EPHB2: variants seen among roughly 807,000 people sequenced by gnomAD.
The protein encoded by EPHB2 is ephrin type-B receptor 2.
EPHB2 carries 18 observed loss-of-function variants against 96.4 expected under a neutral mutation model. The observed-to-expected ratio is 0.19, with a 90% CI of 0.13 to 0.28. The LOEUF (loss-of-function observed/expected upper bound fraction) is 0.28, where lower values mean the gene tolerates loss of function less well. Among genes scored for constraint, EPHB2 ranks in the 10% least tolerant of loss-of-function variants. EPHB2 has a pLI of 1.00. For missense variants in EPHB2, 989 were observed against 1,355.4 expected (o/e 0.73, Z 4.25); for synonymous variants, 506 against 534.1 (o/e 0.95, Z 0.72).
In EPHB2 at chr1:22,790,755, C is replaced by T. The variant is rs897953557; in HGVS notation, c.811+5679C>T. Among the ~76,000 whole-genome samples, 2 of 152,220 alleles carry T rather than the reference C, an allele frequency of 1.3e-5. No individual in the cohort carries two copies. The highest frequency in any genetic ancestry group is 4.8e-5 in the African/African-American group (2 of 41,460). The stretch of plus-strand genomic sequence containing the variant: ...GTGAGCATGATTGCTGCGATGCTAT[C>T]GGACGTAATGGGATTTTTAATATTT... On this transcript the variant is annotated intron_variant, in intron 3 of 15. Transcript: ENST00000374630. The surrounding 1 kb of genome is among the most constrained non-coding windows in gnomAD (Gnocchi z 4.0).
At chr1:22,711,644 C>A (rs982262385) in intron 1 of EPHB2, among the ~76,000 whole-genome samples, 5 of 151,978 alleles carry the variant, frequency 3.3e-5, no homozygotes, top group Non-Finnish European at 5.9e-5. Flanking sequence ...GTCCCCTCCC[C>A]GAGAGGACTG....
intron 7 of EPHB2, among the ~76,000 whole-genome samples, chr1:22,894,597 C>CA (rs569570637): frequency 0.019 from 2,392 of 126,000 alleles, 68 homozygotes; most frequent in African/African-American, 0.057. Context: ...ACTCCCACTC[C>CA]AAAAAAAAAA....
chr1:22,873,820 A>G (rs1174128303), intron 5 of EPHB2, among the ~76,000 whole-genome samples: 1 of 152,210 alleles, frequency 6.6e-6, no homozygotes, highest in Non-Finnish European at 1.5e-5. Flanking sequence ...GAAACTTCCT[A>G]GAAGTCCCAC....
chr1:22,897,526 A>G (rs309464), intron 9 of EPHB2, among the ~76,000 whole-genome samples: 85,588 of 151,826 alleles, frequency 0.56, 25,119 homozygotes, highest in African/African-American at 0.72. Context: ...AGTAGCTCAC[A>G]CCTGTAATCC....
chr1:22,894,251 C>T (rs538261921), intron 7 of EPHB2, among the ~76,000 whole-genome samples: 39 of 152,304 alleles, frequency 2.6e-4, no homozygotes, highest in Non-Finnish European at 4.3e-4. Context: ...ACTAAGGTCC[C>T]AGAGCGCGTC....
rs1189121623 is a variant in EPHB2, at chr1:22,905,979, T to C, written c.1766-8T>C. On this transcript the variant is annotated splice_region_variant and splice_polypyrimidine_tract_variant and intron_variant, in intron 9 of 15. Transcript: ENST00000374630. ...GTCCATATGACAGAGCCTGGTCTTGTCCCCCAGTGACCCCAGGCATGAAGA... is the reference window on the plus strand; with the variant it reads ...GTCCATATGACAGAGCCTGGTCTTGCCCCCCAGTGACCCCAGGCATGAAGA... 2 of 1,614,130 alleles carry C rather than the reference T, an allele frequency of 1.2e-6. No individual in the cohort carries two copies. The highest frequency in any genetic ancestry group is 1.7e-6 in the Non-Finnish European group (2 of 1,180,032).
rs779937841 is a variant in EPHB2, at chr1:22,910,435, G to A, written c.2556G>A (p.Pro852=). Residue 852 remains proline (P), a synonymous_variant, in exon 14 of 16, where the codon CCG becomes CCA. Transcript: ENST00000374630. ...DYRLPPPMDC[P]SALHQLMLDC... is the part of the protein sequence containing the mutation. ...GGCTGCCACCGCCCATGGACTGCCC[G>A]AGCGCCCTGCACCAACTCATGCTGG... 2.0e-5 allele frequency: 32 copies of A among 1,614,052 alleles called. No homozygotes were observed. The highest frequency in any genetic ancestry group is 2.2e-5 in the East Asian group (1 of 44,888).
chr1:22,893,046 G>A lies in EPHB2; in HGVS notation c.1591G>A (p.Ala531Thr), dbSNP rs2148566971. 6 of 1,614,206 alleles carry A rather than the reference G, an allele frequency of 3.7e-6. No homozygotes were observed. Among genetic ancestry groups the A allele is most frequent in the Non-Finnish European group, 5.1e-6 (6 of 1,180,050 alleles). The change falls in exon 7 of 16, where the codon GCC becomes ACC. Residue 531 changes from alanine to threonine, a missense_variant and splice_region_variant. Transcript: ENST00000374630. ...GATGTACTTCCAGACCATGACAGAA[G>A]GTGAGCAGAGTCCAGCGGGCAAGAG... The part of the protein sequence containing the change: ...GKMYFQTMTE[A>T]EYQTSIQEKL...
chr1:22,823,030 C>T (rs1291599376), intron 3 of EPHB2, among the ~76,000 whole-genome samples: 1 of 152,134 alleles, frequency 6.6e-6, no homozygotes, highest in East Asian at 1.9e-4. Flanking sequence ...ATTCCCAGAG[C>T]AAGGGCAACA....
chr1:22,828,153 G>C (rs1483221924), intron 3 of EPHB2, among the ~76,000 whole-genome samples: 1 of 152,200 alleles, frequency 6.6e-6, no homozygotes, highest in Non-Finnish European at 1.5e-5. Context: ...GTTCTCTCTG[G>C]GTTGAGCCAG....
chr1:22,882,228 T>C, intron 5 of EPHB2, 131 bp from the exon 6 acceptor site: 1 of 1,502,054 alleles, frequency 6.7e-7, no homozygotes, highest in Non-Finnish European at 9.0e-7. Flanking sequence ...AGACTGGCTC[T>C]GTGGCCTCAG....
chr1:22,715,410 C>T (rs1275429965), intron 1 of EPHB2, among the ~76,000 whole-genome samples: 1 of 150,648 alleles, frequency 6.6e-6, no homozygotes, highest in Non-Finnish European at 1.5e-5. Context: ...CTGCCTCCCT[C>T]CCTCCCCCAG....
At chr1:22,764,174 C>T (rs1644274324) in intron 1 of EPHB2, among the ~76,000 whole-genome samples, 1 of 152,194 alleles carries the variant, frequency 6.6e-6, no homozygotes, top group Non-Finnish European at 1.5e-5. Context: ...AGCAAGTCTG[C>T]TCAGCCTGGC....
intron 3 of EPHB2, among the ~76,000 whole-genome samples, chr1:22,842,288 A>G (rs1312979411): frequency 6.6e-6 from 1 of 152,190 alleles, no homozygotes; most frequent in African/African-American, 2.4e-5. Context: ...AAATCATGAA[A>G]TATTCCAAAG....
chr1:22,748,619 A>T (rs985402962), intron 1 of EPHB2, among the ~76,000 whole-genome samples: 3 of 151,544 alleles, frequency 2.0e-5, no homozygotes, highest in Non-Finnish European at 4.4e-5. Context: ...TGACCTCATG[A>T]TCTGCCCACC....
At chr1:22,732,230 C>T (rs575241057) in intron 1 of EPHB2, among the ~76,000 whole-genome samples, 3 of 152,072 alleles carry the variant, frequency 2.0e-5, no homozygotes, top group Non-Finnish European at 2.9e-5. Flanking sequence ...GGGTGGGGCT[C>T]TATGAATTCT....
chr1:22,711,432 G>C (rs1430019993), intron 1 of EPHB2, among the ~76,000 whole-genome samples: 1 of 149,234 alleles, frequency 6.7e-6, no homozygotes, highest in Non-Finnish European at 1.5e-5. Flanking sequence ...GGGGGGCGGG[G>C]GGGGCGCCGG....
intron 3 of EPHB2, among the ~76,000 whole-genome samples, chr1:22,825,304 C>T (rs1645207424): frequency 6.6e-6 from 1 of 152,194 alleles, no homozygotes. Context: ...ATGCTGGCAT[C>T]CCGCTTTCAC....
intron 9 of EPHB2, among the ~76,000 whole-genome samples, chr1:22,903,914 C>A (rs1639826567): frequency 6.6e-6 from 1 of 152,158 alleles, no homozygotes; most frequent in Non-Finnish European, 1.5e-5. Context: ...TCTTTGGGGG[C>A]CTCAGACTCC....
Sources: allele counts gnomAD v4.1 joint callset (sites outside exome capture counted in the v4.1 genomes callset), GRCh38; gene constraint gnomAD v4.1.1; non-coding constraint Gnocchi (gnomAD v3.1); transcripts MANE v1.5; gene names NCBI Gene and HGNC (gene_info 2026-07-23, HGNC 2026-07-21).